The following EDA variants were observed in gnomAD, a reference collection of about 807,000 sequenced individuals.
EDA encodes ectodysplasin A.
In EDA, 2 loss-of-function variants were observed where a neutral mutation model predicts 23.6. The observed-to-expected ratio is 0.08, with a 90% CI of 0.03 to 0.27. The LOEUF (loss-of-function observed/expected upper bound fraction) is 0.27, where lower values mean the gene tolerates loss of function less well. Ranked by LOEUF, EDA falls within the 10% of genes least tolerant of loss-of-function variation. The pLI, the probability that EDA is intolerant of heterozygous loss-of-function variation, is 1.00. For missense variants in EDA, 229 were observed against 324.2 expected, an observed-to-expected ratio of 0.71 and a Z score of 2.26; for synonymous variants, 131 against 132.0, an observed-to-expected ratio of 0.99 and a Z score of 0.05.
intron 1 of EDA, among the ~76,000 whole-genome samples, chrX:69,929,960 T>C (rs1465411099): frequency 9.1e-6 from 1 of 110,068 alleles, no homozygotes; most frequent in African/African-American, 3.3e-5. Flanking sequence ...TCAAAAGTCA[T>C]TGTCCCCATC....
intron 1 of EDA, among the ~76,000 whole-genome samples, chrX:69,762,125 A>G (rs1337795191): frequency 1.8e-5 from 2 of 111,616 alleles, no homozygotes; most frequent in Non-Finnish European, 3.8e-5. Flanking sequence ...ACCTTGGCCA[A>G]TACTTTTTAA....
At position 69,705,237 on chromosome X, in the gene EDA, AAAG is replaced by A. The variant is rs1273684701; in HGVS notation, c.396+88536_396+88538del. 1.2e-3 allele frequency among the ~76,000 whole-genome samples: 97 copies of A among 83,610 alleles called. 1 individual carries two copies. The highest frequency in any genetic ancestry group is 2.1e-3 in the Non-Finnish European group (75 of 36,284). 72.6% of individuals were successfully genotyped at this position (83,610 alleles called of 115,157 possible). A position where few individuals can be genotyped will look rare whatever the true frequency, so the allele number is the denominator to read the frequency against. On this transcript the variant is annotated intron_variant, in intron 1 of 7. Transcript: ENST00000374552. ...AAACTCCATCTCAAAAAAAAAAAAA[AAAG>A]AAAGAAAGAAAAAAGAAAAACAGCA...
At chrX:69,835,917 T>C (rs1221444194) in intron 1 of EDA, among the ~76,000 whole-genome samples, 1 of 111,618 alleles carries the variant, frequency 9.0e-6, no homozygotes, top group African/African-American at 3.3e-5. Context: ...ACCTTTTTGT[T>C]GATGTTGATG....
chrX:69,858,007 G>A (rs1181833475), intron 1 of EDA, among the ~76,000 whole-genome samples: 1 of 111,527 alleles, frequency 9.0e-6, no homozygotes, highest in Non-Finnish European at 1.9e-5. Flanking sequence ...GAATGAGATT[G>A]CATTCCTGAT....
intron 1 of EDA, among the ~76,000 whole-genome samples, chrX:69,633,967 T>C (rs1439340700): frequency 8.9e-6 from 1 of 112,407 alleles, no homozygotes; most frequent in Non-Finnish European, 1.9e-5. Context: ...TGAACCATAT[T>C]ACATTGTCAC....
chrX:69,801,663 A>G (rs1462221801), intron 1 of EDA, among the ~76,000 whole-genome samples: 1 of 112,108 alleles, frequency 8.9e-6, no homozygotes, highest in Non-Finnish European at 1.9e-5. Context: ...TTCTCAAACC[A>G]TTTTTTATAA....
At chrX:69,703,326 G>A (rs907024670) in intron 1 of EDA, among the ~76,000 whole-genome samples, 2 of 111,890 alleles carry the variant, frequency 1.8e-5, no homozygotes, top group Non-Finnish European at 3.8e-5. Flanking sequence ...CATGCACAGA[G>A]AGGCGACTAG....
intron 2 of EDA, among the ~76,000 whole-genome samples, chrX:69,959,491 G>A (rs1168165593): frequency 8.9e-6 from 1 of 111,739 alleles, no homozygotes; most frequent in Non-Finnish European, 1.9e-5. Flanking sequence ...TTACTCTGAT[G>A]AGCGTATACT....
intron 1 of EDA, among the ~76,000 whole-genome samples, chrX:69,844,750 T>G (rs1301009981): frequency 8.9e-6 from 1 of 112,435 alleles, no homozygotes; most frequent in Non-Finnish European, 1.9e-5. Flanking sequence ...CAAGCATAAT[T>G]TATTCAATCC....
chrX:69,943,009 A>G (rs1437206043), intron 1 of EDA, among the ~76,000 whole-genome samples: 2 of 110,637 alleles, frequency 1.8e-5, no homozygotes, highest in African/African-American at 6.6e-5. Flanking sequence ...CAGTATGCCA[A>G]TTGCATTTTT....
intron 1 of EDA, among the ~76,000 whole-genome samples, chrX:69,805,390 ACTTT>A (rs1203687548): frequency 9.0e-6 from 1 of 111,681 alleles, no homozygotes; most frequent in Admixed American, 9.5e-5. Flanking sequence ...AATGAAATTA[ACTTT>A]CTTTATTTTA....
chrX:69,723,926 T>A (rs886409277), intron 1 of EDA, among the ~76,000 whole-genome samples: 2 of 111,999 alleles, frequency 1.8e-5, no homozygotes, highest in Non-Finnish European at 3.8e-5. Context: ...TGGAGATGCA[T>A]AGAACTAGGG....
At chrX:69,783,075 T>C (rs1190326283) in intron 1 of EDA, among the ~76,000 whole-genome samples, 1 of 111,660 alleles carries the variant, frequency 9.0e-6, no homozygotes, top group Non-Finnish European at 1.9e-5. Flanking sequence ...TAAAGAATTA[T>C]AGAAAAGGAA....
chrX:70,007,319 T>A (rs777108655), intron 2 of EDA, among the ~76,000 whole-genome samples: 1 of 111,843 alleles, frequency 8.9e-6, no homozygotes. Context: ...CTAAATCTCA[T>A]CTTGAATTGT....
chrX:69,626,925 GGTT>G (rs1474572921), intron 1 of EDA, among the ~76,000 whole-genome samples: 7 of 111,217 alleles, frequency 6.3e-5, no homozygotes, highest in Non-Finnish European at 1.1e-4. Flanking sequence ...AAGGGGCGTT[GGTT>G]GTTTCTGAAT....
At chrX:69,785,575 G>C (rs1460060373) in intron 1 of EDA, among the ~76,000 whole-genome samples, 1 of 110,777 alleles carries the variant, frequency 9.0e-6, no homozygotes, top group African/African-American at 3.3e-5. Context: ...CTTTGGTTCT[G>C]TTTATATGCT....
chrX:69,653,844 A>C (rs1933191493), intron 1 of EDA, among the ~76,000 whole-genome samples: 1 of 111,798 alleles, frequency 8.9e-6, no homozygotes, highest in Non-Finnish European at 1.9e-5. Flanking sequence ...AACCATAAAA[A>C]CCCTAGAAGA....
intron 2 of EDA, among the ~76,000 whole-genome samples, chrX:69,995,988 A>G (rs926190455): frequency 8.9e-6 from 1 of 112,072 alleles, no homozygotes; most frequent in Non-Finnish European, 1.9e-5. Flanking sequence ...AAGCCTTTTT[A>G]TAACAGCCCT....
chrX:69,978,533 A>G (rs60529434), intron 2 of EDA, among the ~76,000 whole-genome samples: 172 of 107,553 alleles, frequency 1.6e-3, no homozygotes, highest in African/African-American at 5.7e-3. Flanking sequence ...AAGAAAGAAA[A>G]AAAGCAGCTT....
Sources: gnomAD v4.1 joint callset for allele counts (sites outside exome capture counted in the v4.1 genomes callset) on GRCh38, gnomAD v4.1.1 for gene constraint, MANE v1.5 for transcripts, NCBI Gene and HGNC (gene_info 2026-07-23, HGNC 2026-07-21) for gene names.